The following SEPTIN2 variants were observed in gnomAD, a reference collection of about 807,000 sequenced individuals.
SEPTIN2 encodes septin-2.
Under a neutral mutation model 46.5 loss-of-function variants are expected in SEPTIN2, and 34 were observed. That is an observed-to-expected ratio of 0.73 (90% CI 0.56 to 0.97). The LOEUF is 0.97. SEPTIN2 is among the 50% of genes least tolerant of loss of function. The pLI is 0.00. For missense variants in SEPTIN2, 347 were observed against 448.4 expected (o/e 0.77, Z 2.04); for synonymous variants, 175 against 153.4 (o/e 1.14, Z -1.04).
chr2:241,343,088 C>T lies in SEPTIN2; in HGVS notation c.691C>T (p.Leu231Phe). The T allele has an allele frequency of 6.4e-7, 1 of 1,568,984 alleles. No individual in the cohort carries two copies. Reference protein sequence around the residue: ...DEDFKEQTRLLKASIPFSVVG... With the variant: ...DEDFKEQTRLFKASIPFSVVG... ...AGATTTTAAAGAGCAGACTAGACTT[C>T]TCAAGGTAAGAACTGGCTTCAGATC... The change falls in exon 8 of 13, where the codon CTC (leucine) becomes TTC (phenylalanine). Residue 231 changes from leucine to phenylalanine, a missense_variant. Coordinates refer to ENST00000391971, the MANE Select transcript of SEPTIN2 (RefSeq NM_004404.5).
At position 241,349,368 on chromosome 2, in the gene SEPTIN2, C is replaced by CT. The variant is rs201637037; in HGVS notation, c.985-702dup. 2.1e-3 allele frequency among the ~76,000 whole-genome samples: 271 copies of CT among 130,286 alleles called. 13 individuals are homozygous for CT. In the East Asian group the frequency reaches 0.053, roughly 26 times the overall value. 85.5% of individuals were successfully genotyped at this position (130,286 alleles called of 152,430 possible). A position where few individuals can be genotyped will look rare whatever the true frequency, so the allele number is the denominator to read the frequency against. ...TAGGTGAAAGAGCAAGATCCCATCCCTTTAAAAAAAAAAAAATATATATAT... is the reference window on the plus strand; with the variant it reads ...TAGGTGAAAGAGCAAGATCCCATCCCTTTTAAAAAAAAAAAAATATATATAT... On this transcript the variant is annotated intron_variant, in intron 11 of 12. Coordinates refer to ENST00000391971, the MANE Select transcript of SEPTIN2 (RefSeq NM_004404.5).
chr2:241,350,032 A>G lies in SEPTIN2; in HGVS notation c.985-41A>G, dbSNP rs80010350. ...ACACCCAGAAATAATGTTCAAAGACAGCAAACCTTGAAAACCTATAATGTG... is the reference window on the plus strand; with the variant it reads ...ACACCCAGAAATAATGTTCAAAGACGGCAAACCTTGAAAACCTATAATGTG... On this transcript the variant is annotated intron_variant, in intron 11 of 12. Coordinates refer to ENST00000391971, the MANE Select transcript of SEPTIN2 (RefSeq NM_004404.5). The G allele has an allele frequency of 3.1e-6, 5 of 1,588,504 alleles. No homozygotes were observed. The East Asian group carries it at 1.1e-4, about 36-fold the overall frequency.
chr2:241,350,887 C>G (rs1220982480), intron 12 of SEPTIN2, among the ~76,000 whole-genome samples: 1 of 152,174 alleles, frequency 6.6e-6, no homozygotes, highest in African/African-American at 2.4e-5. Context: ...CAGGTGGCCA[C>G]TCCCATCACT....
chr2:241,350,832 CTGTATCTTA>C (rs1195287036), intron 12 of SEPTIN2, among the ~76,000 whole-genome samples: 4 of 152,272 alleles, frequency 2.6e-5, no homozygotes, highest in African/African-American at 7.2e-5. Context: ...GCCCACTCCC[CTGTATCTTA>C]TGTATCTTAT....
intron 10 of SEPTIN2, among the ~76,000 whole-genome samples, 164 bp from the exon 11 acceptor site, chr2:241,347,970 A>G (rs1247795073): frequency 6.6e-6 from 1 of 152,184 alleles, no homozygotes; most frequent in African/African-American, 2.4e-5. Context: ...AGCCAAGATC[A>G]TGCCACTACA....
chr2:241,325,822 A>G, intron 2 of SEPTIN2, 171 bp from the exon 3 acceptor site: 2 of 522,058 alleles, frequency 3.8e-6, no homozygotes, highest in South Asian at 6.8e-5. Flanking sequence ...TAATGCTCCT[A>G]GTTGAATACT....
chr2:241,324,349 C>T (rs1327122886), intron 2 of SEPTIN2, 108 bp downstream of exon 2: 4 of 804,788 alleles, frequency 5.0e-6, no homozygotes, highest in South Asian at 1.6e-5. Context: ...ACAACTGATA[C>T]ATTTGATTCA....
At chr2:241,329,712 T>A (rs1054330619) in intron 3 of SEPTIN2, among the ~76,000 whole-genome samples, 1 of 152,238 alleles carries the variant, frequency 6.6e-6, no homozygotes, top group Non-Finnish European at 1.5e-5. Context: ...ACCTTACTGC[T>A]GTGTCTGGTT....
At chr2:241,338,683 ATATGTAATATATATTATATTTATATTATT>A (rs2080510393) in intron 7 of SEPTIN2, among the ~76,000 whole-genome samples, 2 of 118,802 alleles carry the variant, frequency 1.7e-5, no homozygotes, top group East Asian at 2.2e-4. Flanking sequence ...TTTATATTAC[ATATGTAATATATATTATATTTATATTATT>A]TATATAATAT....
chr2:241,339,787 T>C (rs2081002987), intron 7 of SEPTIN2, among the ~76,000 whole-genome samples: 2 of 152,146 alleles, frequency 1.3e-5, no homozygotes, highest in South Asian at 2.1e-4. Flanking sequence ...AGCCCAACGC[T>C]GCACACAAGA....
At chr2:241,351,288 G>A (rs534611665) in intron 12 of SEPTIN2, 2 of 152,340 alleles carry the variant, frequency 1.3e-5, no homozygotes, top group African/African-American at 4.8e-5. Flanking sequence ...TTGCAGCTTA[G>A]TGGGAAAGGT....
chr2:241,324,543 A>T, intron 2 of SEPTIN2: 1 of 426,276 alleles, frequency 2.3e-6, no homozygotes, highest in Non-Finnish European at 4.5e-6. Context: ...ACGTGCCACC[A>T]CGCTGGCTAA....
chr2:241,324,393 T>C (rs2077605360), intron 2 of SEPTIN2, 152 bp downstream of exon 2: 1 of 529,250 alleles, frequency 1.9e-6, no homozygotes, highest in East Asian at 3.6e-5. Context: ...GTTGTCTTTT[T>C]TTTTTTTTTT....
chr2:241,329,460 C>G (rs944438870), intron 3 of SEPTIN2, among the ~76,000 whole-genome samples: 24 of 152,120 alleles, frequency 1.6e-4, no homozygotes, highest in Admixed American at 1.4e-3. Context: ...ACCTACCAGC[C>G]TATTTTATTA....
rs1444320067 is a variant in SEPTIN2, at chr2:241,343,742, C to G, written c.697-10C>G. On this transcript the variant is annotated splice_polypyrimidine_tract_variant and intron_variant, in intron 8 of 12. Transcript: ENST00000391971. The stretch of plus-strand genomic sequence containing the variant: ...TGTGGAGCCTGTCTACTCTGTGTGT[C>G]TCTTTCTAGGCTAGCATCCCATTCT... 1.9e-6 allele frequency: 3 copies of G among 1,614,030 alleles called. No individual in the cohort carries two copies. Among genetic ancestry groups the G allele is most frequent in the South Asian group, 2.2e-5 (2 of 91,064 alleles).
At chr2:241,316,825 A>C in intron 1 of SEPTIN2, 1 of 330,888 alleles carries the variant, frequency 3.0e-6, no homozygotes, top group East Asian at 4.7e-5. Flanking sequence ...CCATTGCCCA[A>C]ACTCTTAAAT....
intron 7 of SEPTIN2, among the ~76,000 whole-genome samples, chr2:241,340,256 T>C (rs1395601505): frequency 6.6e-6 from 1 of 152,242 alleles, no homozygotes; most frequent in Non-Finnish European, 1.5e-5. Context: ...TGAGTATCTG[T>C]GCTGGTGTTG....
chr2:241,346,314 A>G (rs928199541), intron 10 of SEPTIN2, 65 bp downstream of exon 10: 6 of 1,288,444 alleles, frequency 4.7e-6, no homozygotes, highest in African/African-American at 1.5e-5. Flanking sequence ...CTCCTCCTCT[A>G]TGTGTTCAGC....
chr2:241,331,783 AAG>A (rs1198493748), intron 3 of SEPTIN2, among the ~76,000 whole-genome samples: 3 of 152,226 alleles, frequency 2.0e-5, no homozygotes, highest in African/African-American at 4.8e-5. Context: ...AGTTTAGAAA[AAG>A]AGCAGAGTTG....
Sources: gnomAD v4.1 joint callset for allele counts (sites outside exome capture counted in the v4.1 genomes callset) on GRCh38, gnomAD v4.1.1 for gene constraint, MANE v1.5 for transcripts, NCBI Gene and HGNC (gene_info 2026-07-23, HGNC 2026-07-21) for gene names.